The following AKTIP variants were observed in gnomAD, a reference collection of about 807,000 sequenced individuals.
AKTIP encodes the protein AKT interacting protein, also known as AKT-interacting protein.
Under a neutral mutation model 39.1 loss-of-function variants are expected in AKTIP, and 16 were observed. The observed-to-expected ratio is 0.41, with a 90% CI of 0.28 to 0.62. The LOEUF is 0.62. AKTIP is among the 20% of genes least tolerant of loss of function. The pLI, the probability that AKTIP is intolerant of heterozygous loss-of-function variation, is 0.32. For missense variants in AKTIP, 262 were observed against 356.6 expected (o/e 0.73, Z 2.14); for synonymous variants, 93 against 124.3 (o/e 0.75, Z 1.67).
intron 8 of AKTIP, chr16:53,493,086 T>G: frequency 4.0e-6 from 1 of 248,486 alleles, no homozygotes; most frequent in Non-Finnish European, 8.0e-6. Flanking sequence ...GCTCTTTTTT[T>G]TGAGACTGAG....
At chr16:53,502,797 G>A (rs1962252518) in intron 1 of AKTIP, 2 of 152,214 alleles carry the variant, frequency 1.3e-5, no homozygotes, top group South Asian at 2.1e-4. Flanking sequence ...GGGGGGCTCT[G>A]GGGCCCGGCG....
intron 2 of AKTIP, 131 bp downstream of exon 2, chr16:53,500,087 A>C: frequency 3.2e-6 from 2 of 624,594 alleles, no homozygotes; most frequent in Non-Finnish European, 5.5e-6. Context: ...GTAAACCCTT[A>C]ACTAGAAAAA....
intron 2 of AKTIP, 115 bp from the exon 3 acceptor site, chr16:53,498,711 C>T: frequency 9.6e-7 from 1 of 1,043,496 alleles, no homozygotes; most frequent in Non-Finnish European, 1.4e-6. Context: ...CACATTCTAA[C>T]ACCATGACCA....
At chr16:53,496,120 G>T (rs1961817763) in intron 3 of AKTIP, among the ~76,000 whole-genome samples, 1 of 152,180 alleles carries the variant, frequency 6.6e-6, no homozygotes, top group African/African-American at 2.4e-5. Flanking sequence ...ATTCTATCAA[G>T]AACTAGTTTA....
At chr16:53,492,903 T>C (rs1471941652) in intron 8 of AKTIP, 150 bp from the exon 9 acceptor site, 4 of 667,538 alleles carry the variant, frequency 6.0e-6, no homozygotes, top group Non-Finnish European at 1.0e-5. Flanking sequence ...CATTATCTAA[T>C]TAATTTTCTC....
Position 53,498,265 on chromosome 16 carries a change from T to C in AKTIP, c.248+126A>G. The C allele has an allele frequency of 1.3e-5, 13 of 974,420 alleles. 1 individual carries two copies. The South Asian group carries it at 1.7e-4, about 13-fold the overall frequency. The allele number at this position is 974,420 out of a possible 1,614,324, so 60.4% of individuals were successfully genotyped here. On this transcript the variant is annotated intron_variant, in intron 3 of 9. Coordinates refer to ENST00000394657, the MANE Select transcript of AKTIP (RefSeq NM_022476.4). Reference sequence around the variant, plus strand: ...GTTTTATATTTATTAAGTCTGATACTGGAAAGGGACAGGTTTGAGCTTTGA... The same window carrying C: ...GTTTTATATTTATTAAGTCTGATACCGGAAAGGGACAGGTTTGAGCTTTGA...
At chr16:53,493,502 T>TG (rs571905664) in intron 8 of AKTIP, 304 of 153,536 alleles carry the variant, frequency 2.0e-3, no homozygotes, top group Non-Finnish European at 3.6e-3. Flanking sequence ...AGATGGGGTT[T>TG]GGCCATATTG....
At chr16:53,497,156 T>C (rs972823635) in intron 3 of AKTIP, among the ~76,000 whole-genome samples, 5 of 152,186 alleles carry the variant, frequency 3.3e-5, no homozygotes, top group African/African-American at 1.2e-4. Context: ...AAATTAAGAA[T>C]TCTCCAAACT....
chr16:53,494,031 G>A, intron 8 of AKTIP, 107 bp downstream of exon 8: 2 of 828,224 alleles, frequency 2.4e-6, no homozygotes, highest in Non-Finnish European at 4.0e-6. Context: ...TAGGCTAACA[G>A]CTTATGCATG....
At chr16:53,493,835 A>G (rs1332431758) in intron 8 of AKTIP, 2 of 325,710 alleles carry the variant, frequency 6.1e-6, no homozygotes, top group Non-Finnish European at 1.1e-5. Flanking sequence ...GGCTCCAGCT[A>G]AAACTGCCAG....
intron 3 of AKTIP, among the ~76,000 whole-genome samples, chr16:53,496,358 C>CA (rs1002360488): frequency 1.3e-5 from 2 of 152,126 alleles, no homozygotes; most frequent in African/African-American, 4.8e-5. Flanking sequence ...CAGCCTCAAA[C>CA]ACAAGGCCTC....
At chr16:53,503,593 C>A (rs1438261448), upstream of AKTIP, among the ~76,000 whole-genome samples, 1 of 152,246 alleles carries the variant, frequency 6.6e-6, no homozygotes, top group Non-Finnish European at 1.5e-5. Context: ...ACCACGGAGA[C>A]CTTCCCGGAG....
chr16:53,500,931 A>T (rs1294253495), intron 1 of AKTIP, among the ~76,000 whole-genome samples: 4 of 152,204 alleles, frequency 2.6e-5, no homozygotes, highest in South Asian at 2.1e-4. Context: ...TGGTGCCAGA[A>T]ATTCAGAAGA....
At chr16:53,493,845 G>C in intron 8 of AKTIP, 1 of 339,756 alleles carries the variant, frequency 2.9e-6, no homozygotes, top group Non-Finnish European at 5.4e-6. Context: ...AAAACTGCCA[G>C]CTGAAAAGAA....
intron 1 of AKTIP, chr16:53,501,378 C>G (rs939658993): frequency 6.6e-6 from 1 of 152,162 alleles, no homozygotes; most frequent in Non-Finnish European, 1.5e-5. Context: ...AGCTTCAAGT[C>G]GTGGATAAGA....
rs1384861610 is a variant in AKTIP at position 53,492,448 on chromosome 16, C to T, written c.843G>A (p.Gln281=). 6.2e-7 allele frequency: 1 copy of T among 1,613,150 alleles called. No homozygotes were observed. Among genetic ancestry groups the T allele is most frequent in the South Asian group, 1.1e-5 (1 of 91,032 alleles). The change falls in exon 10 of 10, where the codon CAG becomes CAA. Residue 281 remains glutamine (Q), a synonymous_variant. Transcript: ENST00000394657. ...CTGTTTTCTCTTCTTTACTGAAAGG[C>T]TGTACTGAGCCAGGCTTTACCCATG... ...GLSWVKPGSV[Q]PFSKEEKTVA...
intron 2 of AKTIP, among the ~76,000 whole-genome samples, chr16:53,499,969 T>C (rs555712250): frequency 1.3e-5 from 2 of 152,284 alleles, no homozygotes; most frequent in Non-Finnish European, 2.9e-5. Flanking sequence ...CATGTGTAAA[T>C]ATAACCTAAA....
chr16:53,496,850 A>T (rs1961869507), intron 3 of AKTIP, among the ~76,000 whole-genome samples: 1 of 152,178 alleles, frequency 6.6e-6, no homozygotes, highest in Non-Finnish European at 1.5e-5. Flanking sequence ...CAAAAAAAAG[A>T]AAAAAAGATG....
At chr16:53,503,599 C>G (rs1339251491), upstream of AKTIP, among the ~76,000 whole-genome samples, 1 of 152,228 alleles carries the variant, frequency 6.6e-6, no homozygotes, top group Non-Finnish European at 1.5e-5. Flanking sequence ...GAGACCTTCC[C>G]GGAGGTTTAT....
Sources: allele counts gnomAD v4.1 joint callset (sites outside exome capture counted in the v4.1 genomes callset), GRCh38; gene constraint gnomAD v4.1.1; transcripts MANE v1.5; gene names NCBI Gene and HGNC (gene_info 2026-07-23, HGNC 2026-07-21).